The following RBFOX1 variants were observed in gnomAD, a reference collection of about 807,000 sequenced individuals.
RBFOX1 encodes the protein RNA binding protein fox-1 homolog 1.
Under a neutral mutation model 57.7 loss-of-function variants are expected in RBFOX1, and 8 were observed. The observed-to-expected ratio is 0.14, with a 90% CI of 0.08 to 0.25. The LOEUF (loss-of-function observed/expected upper bound fraction) is 0.25. Ranked by LOEUF, RBFOX1 falls within the 10% of genes least tolerant of loss-of-function variation. The probability of loss-of-function intolerance (pLI) is 1.00; values close to 1 mark genes in which losing one functional copy is unlikely to be tolerated. For missense variants in RBFOX1, 611 were observed against 548.5 expected (o/e 1.11, Z -1.14); for synonymous variants, 326 against 222.4 (o/e 1.47, Z -4.15).
chr16:7,096,434 C>G (rs2061706724), intron 4 of RBFOX1, among the ~76,000 whole-genome samples: 1 of 152,158 alleles, frequency 6.6e-6, no homozygotes, highest in South Asian at 2.1e-4. Context: ...TAGCTTCTGG[C>G]TGACATGCCA....
intron 3 of RBFOX1, among the ~76,000 whole-genome samples, chr16:7,046,386 T>C (rs184642621): frequency 9.2e-5 from 14 of 152,242 alleles, no homozygotes; most frequent in African/African-American, 3.1e-4. Context: ...AGACTCAGTA[T>C]TTTGCCTCTT....
intron 3 of RBFOX1, among the ~76,000 whole-genome samples, chr16:5,617,037 C>G (rs969881765): frequency 6.6e-6 from 1 of 152,018 alleles, no homozygotes; most frequent in African/African-American, 2.4e-5. Flanking sequence ...TGAGTCCCAG[C>G]TGCGGTTGCT....
At chr16:6,432,680 T>G (rs2094133048) in intron 2 of RBFOX1, among the ~76,000 whole-genome samples, 1 of 151,804 alleles carries the variant, frequency 6.6e-6, no homozygotes, top group Middle Eastern at 3.2e-3. Context: ...AGACCCTGTC[T>G]CAAGAAAAAT....
intron 2 of RBFOX1, among the ~76,000 whole-genome samples, chr16:6,392,571 G>A (rs1402246270): frequency 6.6e-6 from 1 of 152,190 alleles, no homozygotes; most frequent in Non-Finnish European, 1.5e-5. Context: ...GTCAAAATAT[G>A]TGATCCTGAT....
At chr16:6,064,796 T>A (rs867654322) in intron 1 of RBFOX1, among the ~76,000 whole-genome samples, 1 of 152,208 alleles carries the variant, frequency 6.6e-6, no homozygotes, top group Middle Eastern at 3.4e-3. Flanking sequence ...TGTGTATGCT[T>A]TTGAATAATA....
chr16:6,985,599 G>T (rs1216622617), intron 3 of RBFOX1, among the ~76,000 whole-genome samples: 1 of 152,182 alleles, frequency 6.6e-6, no homozygotes, highest in Non-Finnish European at 1.5e-5. Flanking sequence ...AGGCCAAGGT[G>T]GGTGGATCAT....
chr16:6,292,818 A>C (rs2077609923), intron 1 of RBFOX1, among the ~76,000 whole-genome samples: 1 of 152,238 alleles, frequency 6.6e-6, no homozygotes, highest in Non-Finnish European at 1.5e-5. Context: ...ACTGAAACTC[A>C]GCCTGGGAGC....
chr16:6,752,294 G>A (rs563609155), intron 3 of RBFOX1, among the ~76,000 whole-genome samples: 1 of 152,248 alleles, frequency 6.6e-6, no homozygotes, highest in East Asian at 1.9e-4. Flanking sequence ...CAATTTGGAT[G>A]TACTCCAGAC....
At chr16:7,007,740 C>A (rs944066390) in intron 3 of RBFOX1, among the ~76,000 whole-genome samples, 1 of 152,168 alleles carries the variant, frequency 6.6e-6, no homozygotes. Flanking sequence ...CCATGAAAAT[C>A]ATCTCATTTC....
intron 3 of RBFOX1, among the ~76,000 whole-genome samples, chr16:6,847,309 G>T (rs1201422144): frequency 6.6e-6 from 1 of 152,142 alleles, no homozygotes; most frequent in Non-Finnish European, 1.5e-5. Flanking sequence ...GGACAGCTCT[G>T]CTTCATGCTA....
At chr16:7,582,454 T>A (rs2093846245) in intron 6 of RBFOX1, among the ~76,000 whole-genome samples, 1 of 152,216 alleles carries the variant, frequency 6.6e-6, no homozygotes, top group African/African-American at 2.4e-5. Context: ...ACAACCACTA[T>A]TCTAAAGAAA....
At chr16:6,990,253 G>A (rs1162280108) in intron 3 of RBFOX1, among the ~76,000 whole-genome samples, 3 of 151,948 alleles carry the variant, frequency 2.0e-5, no homozygotes, top group African/African-American at 2.4e-5. Flanking sequence ...GCCAGATAGC[G>A]GTAGCTCACG....
At chr16:7,350,491 C>A (rs2145911745) in intron 4 of RBFOX1, among the ~76,000 whole-genome samples, 1 of 152,144 alleles carries the variant, frequency 6.6e-6, no homozygotes, top group Admixed American at 6.5e-5. Flanking sequence ...AATGGCAAAC[C>A]CCTGCAGAAT....
At chr16:6,678,853 G>C (rs1013686733) in intron 3 of RBFOX1, among the ~76,000 whole-genome samples, 2 of 152,102 alleles carry the variant, frequency 1.3e-5, no homozygotes, top group African/African-American at 2.4e-5. Flanking sequence ...AGGCTGGGTA[G>C]ATGGGTGGTT....
At chr16:5,811,077 C>G (rs2055409541) in intron 3 of RBFOX1, among the ~76,000 whole-genome samples, 1 of 151,132 alleles carries the variant, frequency 6.6e-6, no homozygotes, top group Admixed American at 6.6e-5. Flanking sequence ...CACTGATCTG[C>G]TTTCTAAATC....
At chr16:6,339,631 C>G (rs902785662) in intron 2 of RBFOX1, among the ~76,000 whole-genome samples, 8 of 151,104 alleles carry the variant, frequency 5.3e-5, no homozygotes, top group African/African-American at 1.5e-4. Flanking sequence ...TGATAAACAT[C>G]TTAAGCGATT....
intron 14 of RBFOX1, among the ~76,000 whole-genome samples, chr16:7,702,920 A>AGAATCACTTCTTCCTGGGTGCAGG (rs2081240674): frequency 6.6e-6 from 1 of 152,234 alleles, no homozygotes; most frequent in Non-Finnish European, 1.5e-5. Context: ...GAGTGGGATG[A>AGAATCACTTCTTCCTGGGTGCAGG]GAATCACTTC....
At chr16:6,089,466 C>A (rs2096139011) in intron 1 of RBFOX1, among the ~76,000 whole-genome samples, 1 of 152,166 alleles carries the variant, frequency 6.6e-6, no homozygotes, top group African/African-American at 2.4e-5. Context: ...GGAGAAGAAA[C>A]TGAGGTTGTA....
rs918654096 is a variant in RBFOX1, at chr16:5,780,948, C to T, written c.319-86355C>T. On this transcript the variant is annotated intron_variant, in intron 3 of 19. Coordinates refer to the RBFOX1 transcript ENST00000641259. ...TTTGTAAACTCCAAAGTGACAATTC[C>T]AGTGTGACAAGCAGAACACCCTTGC... Among the ~76,000 whole-genome samples, 10 of 152,296 alleles carry T rather than the reference C, an allele frequency of 6.6e-5. No homozygotes were observed. The South Asian group carries it at 1.0e-3, about 16-fold the overall frequency.
Sources: gnomAD v4.1 joint callset for allele counts (sites outside exome capture counted in the v4.1 genomes callset) on GRCh38, gnomAD v4.1.1 for gene constraint, MANE v1.5 for transcripts, NCBI Gene and HGNC (gene_info 2026-07-23, HGNC 2026-07-21) for gene names.